MTMR9: variants seen among roughly 807,000 people sequenced by gnomAD.
The protein encoded by MTMR9 is myotubularin related protein 9, also known as myotubularin-related protein 9.
Under a neutral mutation model 69.5 loss-of-function variants are expected in MTMR9, and 39 were observed. The ratio of observed to expected loss-of-function variants is 0.56; its 90% CI spans 0.43 to 0.73. The LOEUF (loss-of-function observed/expected upper bound fraction) is 0.73, where lower values mean the gene tolerates loss of function less well. MTMR9 is among the 30% of genes least tolerant of loss of function. The pLI is 0.00. For missense variants in MTMR9, 900 were observed against 671.2 expected, an observed-to-expected ratio of 1.34 and a Z score of -3.77; for synonymous variants, 354 against 240.8, an observed-to-expected ratio of 1.47 and a Z score of -4.35.
chr8:11,308,833 C>G (rs1052342612), intron 5 of MTMR9, among the ~76,000 whole-genome samples: 6 of 152,124 alleles, frequency 3.9e-5, no homozygotes, highest in Non-Finnish European at 8.8e-5. Flanking sequence ...GAAAGCTGTG[C>G]TCTTGGAGGC....
chr8:11,338,617 C>G, the MTMR9 span, among the ~76,000 whole-genome samples: 3 of 152,152 alleles, frequency 2.0e-5, no homozygotes, highest in Non-Finnish European at 4.4e-5. Context: ...CCACGGCATT[C>G]CTATGGATGA....
intron 5 of MTMR9, among the ~76,000 whole-genome samples, chr8:11,307,199 G>T (rs934179443): frequency 2.0e-5 from 3 of 152,102 alleles, no homozygotes; most frequent in Non-Finnish European, 4.4e-5. Context: ...AGCTTCCCAA[G>T]TAGCTGGGAC....
At chr8:11,330,220 C>T (rs1372897470), downstream of MTMR9, among the ~76,000 whole-genome samples, 1 of 150,438 alleles carries the variant, frequency 6.6e-6, no homozygotes, top group African/African-American at 2.4e-5. Flanking sequence ...CGCGGCCTGG[C>T]CAGCCGCCCC....
rs779597242 is a variant in MTMR9, at chr8:11,284,849, C to G, written c.-40C>G. 1.3e-6 allele frequency: 2 copies of G among 1,554,488 alleles called. No homozygotes were observed. Among genetic ancestry groups the G allele is most frequent in the Non-Finnish European group, 8.7e-7 (1 of 1,149,398 alleles). On this transcript the variant is annotated 5_prime_UTR_variant, in exon 1 of 10. Transcript: ENST00000221086. Reference sequence around the variant, plus strand: ...CCTGCGGCGGGGTAACCGCCTCGCACCTACCGGGCTCGGTTCCCTGGCTCC... The same window carrying G: ...CCTGCGGCGGGGTAACCGCCTCGCAGCTACCGGGCTCGGTTCCCTGGCTCC...
At chr8:11,331,532 C>T (rs186905797), downstream of MTMR9, 477 of 1,613,778 alleles carry the variant, frequency 3.0e-4, 1 homozygote, top group Admixed American at 2.7e-3. Flanking sequence ...CCGTATGCTC[C>T]GCTGTCCTCA....
chr8:11,288,837 G>A (rs1295626634), intron 1 of MTMR9, among the ~76,000 whole-genome samples: 1 of 152,218 alleles, frequency 6.6e-6, no homozygotes, highest in Non-Finnish European at 1.5e-5. Context: ...GGCAAGACTG[G>A]AAGCAGCAGG....
intron 1 of MTMR9, among the ~76,000 whole-genome samples, chr8:11,293,667 C>G (rs1040229264): frequency 6.6e-6 from 1 of 151,824 alleles, no homozygotes; most frequent in Non-Finnish European, 1.5e-5. Flanking sequence ...ATGTTTTCTT[C>G]TAGCAGTTTT....
rs79485161 is a variant in MTMR9 at position 11,313,626 on chromosome 8, A to G, written c.972-1297A>G. ...TTATTAGTTGGCTGGCCTAATGTCAATATTGTTGTGATCCCTGGAATAGAG... is the reference window on the plus strand; with the variant it reads ...TTATTAGTTGGCTGGCCTAATGTCAGTATTGTTGTGATCCCTGGAATAGAG... On this transcript the variant is annotated intron_variant, in intron 6 of 9. Transcript: ENST00000221086. Among the ~76,000 whole-genome samples the G allele has an allele frequency of 3.0e-3, 451 of 152,294 alleles. 2 individuals are homozygous for G. The highest frequency in any genetic ancestry group is 0.01 in the African/African-American group (432 of 41,556).
rs181951547 is a variant in MTMR9 at position 11,319,650 on chromosome 8, A to G, written c.1335-37A>G. 5.6e-4 allele frequency: 896 copies of G among 1,608,946 alleles called. 3 individuals are homozygous for G. In the African/African-American group the frequency reaches 0.011, roughly 20 times the overall value. ...GAGCACTCAATAATGGTTGTTATAA[A>G]TTAATTACTTTAATGGCAGTGTTCT... is the stretch of plus-strand genomic sequence containing the variant. On this transcript the variant is annotated intron_variant, in intron 8 of 9. Transcript: ENST00000221086.
intron 1 of MTMR9, among the ~76,000 whole-genome samples, chr8:11,288,318 AATAT>A (rs1173572162): frequency 1.4e-5 from 2 of 140,310 alleles, no homozygotes; most frequent in African/African-American, 5.3e-5. Context: ...ATGTATATAT[AATAT>A]ATATACATAA....
intron 2 of MTMR9, among the ~76,000 whole-genome samples, chr8:11,298,235 AT>A (rs1394216351): frequency 2.0e-5 from 3 of 152,166 alleles, no homozygotes; most frequent in Non-Finnish European, 4.4e-5. Context: ...ATGAGTGCTT[AT>A]TGCCTGTGAG....
In MTMR9 at chr8:11,304,850, T is replaced by A; in HGVS notation, c.427T>A (p.Trp143Arg). 6.2e-7 allele frequency: 1 copy of A among 1,613,856 alleles called. No individual in the cohort carries two copies. Among genetic ancestry groups the A allele is most frequent in the Non-Finnish European group, 8.5e-7 (1 of 1,179,852 alleles). Residue 143 changes from tryptophan (W) to arginine (R), a missense_variant, in exon 4 of 10, where the codon TGG (tryptophan) becomes AGG (arginine). Transcript: ENST00000221086. ...ATTTTGTGTTTTTCAGACCAGTGAATGGAGGCTAAGCTATGTCAATAAGGA... is the reference window on the plus strand; with the variant it reads ...ATTTTGTGTTTTTCAGACCAGTGAAAGGAGGCTAAGCTATGTCAATAAGGA... ...FELYSSATSE[W>R]RLSYVNKEFA...
At chr8:11,335,032 G>C in the MTMR9 span, among the ~76,000 whole-genome samples, 1 of 152,144 alleles carries the variant, frequency 6.6e-6, no homozygotes, top group African/African-American at 2.4e-5. Context: ...ACAAGCATGT[G>C]CACTCTCACG....
chr8:11,291,197 G>C (rs1220470381), intron 1 of MTMR9, among the ~76,000 whole-genome samples: 1 of 152,056 alleles, frequency 6.6e-6, no homozygotes, highest in Non-Finnish European at 1.5e-5. Context: ...ATTAATTGGA[G>C]TCAAATTGAC....
chr8:11,338,595 A>G, the MTMR9 span, among the ~76,000 whole-genome samples: 6 of 152,236 alleles, frequency 3.9e-5, no homozygotes, highest in African/African-American at 1.4e-4. Flanking sequence ...ATCTGTGGTA[A>G]TGGCCAATAG....
chr8:11,297,444 A>G (rs1199152251), intron 2 of MTMR9, among the ~76,000 whole-genome samples: 1 of 152,118 alleles, frequency 6.6e-6, no homozygotes, highest in Non-Finnish European at 1.5e-5. Context: ...AGACTGTTAA[A>G]TTGAAATAAT....
Position 11,319,693 on chromosome 8 carries a change from G to C in MTMR9, c.1341G>C (p.Lys447Asn). The C allele has an allele frequency of 6.2e-7, 1 of 1,613,660 alleles. No homozygotes were observed. The highest frequency in any genetic ancestry group is 8.5e-7 in the Non-Finnish European group (1 of 1,179,996). ...AGTGTTCTTTCTTGATCAGATGTAA[G>C]TTGAAGCTACAGCAGAAGACGATGT... ...FLGNNESERC[K>N]LKLQQKTMSL... The change falls in exon 9 of 10, where the codon AAG (lysine) becomes AAC (asparagine). Residue 447 changes from lysine (K) to asparagine (N), a missense_variant. Physicochemically the swap from Lys to Asn is moderately conservative, Grantham distance 94 (BLOSUM62 0). Coordinates refer to ENST00000221086, the MANE Select transcript of MTMR9 (RefSeq NM_015458.4).
Position 11,319,816 on chromosome 8 carries a change from G to T in MTMR9, c.1464G>T (p.Pro488=). ...NNLVIWPSVA[P]QSLPLWEGIF... ...TTGTCATCTGGCCTTCAGTTGCTCC[G>T]CAGAGTCTTCCACTGTGGGAAGGTA... The change falls in exon 9 of 10, where the codon CCG becomes CCT. Residue 488 remains proline, a synonymous_variant. Coordinates refer to ENST00000221086, the MANE Select transcript of MTMR9 (RefSeq NM_015458.4). 1.2e-6 allele frequency: 2 copies of T among 1,614,028 alleles called. No homozygotes were observed. The highest frequency in any genetic ancestry group is 1.6e-4 in the Middle Eastern group (1 of 6,062).
chr8:11,321,906 C>T (rs889815878), intron 9 of MTMR9, among the ~76,000 whole-genome samples: 1 of 152,146 alleles, frequency 6.6e-6, no homozygotes, highest in African/African-American at 2.4e-5. Flanking sequence ...GTGAACTTGC[C>T]ATCCACTGAC....
Sources: gnomAD v4.1 joint callset for allele counts (sites outside exome capture counted in the v4.1 genomes callset) on GRCh38, gnomAD v4.1.1 for gene constraint, MANE v1.5 for transcripts, NCBI Gene and HGNC (gene_info 2026-07-23, HGNC 2026-07-21) for gene names.